Variants in SYK observed in about 807,000 individuals in gnomAD.
The protein encoded by SYK is spleen associated tyrosine kinase.
Under a neutral mutation model 77.8 loss-of-function variants are expected in SYK, and 16 were observed. The observed-to-expected ratio is 0.21, with a 90% CI of 0.14 to 0.31. SYK has a LOEUF of 0.31. SYK is among the 10% of genes least tolerant of loss of function. The pLI, the probability that SYK is intolerant of heterozygous loss-of-function variation, is 1.00. For missense variants in SYK, 529 were observed against 814.4 expected (o/e 0.65, Z 4.26); for synonymous variants, 312 against 308.7 (o/e 1.01, Z -0.11).
intron 3 of SYK, among the ~76,000 whole-genome samples, chr9:90,850,470 T>A (rs1469615971): frequency 6.6e-6 from 1 of 152,008 alleles, no homozygotes. Context: ...GAGCCAAGAT[T>A]GTGCCACTGC....
chr9:90,855,386 G>C (rs1826987849), intron 3 of SYK, among the ~76,000 whole-genome samples: 1 of 152,156 alleles, frequency 6.6e-6, no homozygotes, highest in South Asian at 2.1e-4. Flanking sequence ...TCATGTTCAA[G>C]GTGACAGGTA....
intron 1 of SYK, among the ~76,000 whole-genome samples, chr9:90,835,184 A>C (rs1317590729): frequency 6.6e-6 from 1 of 152,226 alleles, no homozygotes; most frequent in Non-Finnish European, 1.5e-5. Flanking sequence ...AATGGGTGGG[A>C]CCATCATAAG....
At chr9:90,855,689 G>A (rs113765834) in intron 3 of SYK, among the ~76,000 whole-genome samples, 1 of 138,970 alleles carries the variant, frequency 7.2e-6, no homozygotes, top group East Asian at 2.3e-4. Flanking sequence ...TGTGTGTGTG[G>A]GTGTGTGTGA....
intron 1 of SYK, among the ~76,000 whole-genome samples, chr9:90,829,253 C>G (rs1825791789): frequency 6.6e-6 from 1 of 151,092 alleles, no homozygotes; most frequent in African/African-American, 2.4e-5. Flanking sequence ...CGTGCCATTG[C>G]ACTCCAGCTG....
intron 3 of SYK, among the ~76,000 whole-genome samples, chr9:90,849,988 C>CA (rs1270413236): frequency 6.6e-6 from 1 of 152,240 alleles, no homozygotes; most frequent in Non-Finnish European, 1.5e-5. Flanking sequence ...TCAGGTCCTC[C>CA]ATGCAAACTC....
At chr9:90,886,549 CA>C (rs1156290561) in intron 11 of SYK, among the ~76,000 whole-genome samples, 1 of 152,050 alleles carries the variant, frequency 6.6e-6, no homozygotes, top group Non-Finnish European at 1.5e-5. Flanking sequence ...ACTAAAAATA[CA>C]AAAAATTGGC....
intron 1 of SYK, among the ~76,000 whole-genome samples, chr9:90,830,846 A>G (rs1325862891): frequency 7.2e-5 from 11 of 152,028 alleles, no homozygotes. Context: ...CAGCCTCCCA[A>G]AGTGCTGGGA....
At chr9:90,862,383 A>T (rs779203884) in intron 4 of SYK, 39 bp downstream of exon 4, 1 of 1,598,566 alleles carries the variant, frequency 6.3e-7, no homozygotes. Context: ...GGTAGAGTAC[A>T]GGGCACGTGG....
At chr9:90,855,342 T>C (rs290207) in intron 3 of SYK, among the ~76,000 whole-genome samples, 77,889 of 151,710 alleles carry the variant, frequency 0.51, 21,173 homozygotes, top group East Asian at 0.68. Flanking sequence ...GGAGGGGAGG[T>C]GAAGGGTGTG....
chr9:90,837,653 C>T (rs1484685304), intron 1 of SYK, among the ~76,000 whole-genome samples: 1 of 152,108 alleles, frequency 6.6e-6, no homozygotes, highest in Non-Finnish European at 1.5e-5. Flanking sequence ...AGCCTCACTC[C>T]ACCTTCAGGG....
intron 1 of SYK, among the ~76,000 whole-genome samples, chr9:90,837,211 G>T (rs1826119005): frequency 6.6e-6 from 1 of 152,022 alleles, no homozygotes; most frequent in Non-Finnish European, 1.5e-5. Context: ...ATTCACTGTG[G>T]AAATCCTAAA....
chr9:90,828,804 C>G (rs903699251), intron 1 of SYK, among the ~76,000 whole-genome samples: 1 of 152,218 alleles, frequency 6.6e-6, no homozygotes, highest in African/African-American at 2.4e-5. Flanking sequence ...GAGCCTGCAG[C>G]CTGGCCCGGT....
At chr9:90,834,169 G>T (rs919202467) in intron 1 of SYK, among the ~76,000 whole-genome samples, 1 of 148,346 alleles carries the variant, frequency 6.7e-6, no homozygotes, top group Non-Finnish European at 1.5e-5. Context: ...GGGCATGTCC[G>T]TCTGTCTCCC....
intron 1 of SYK, among the ~76,000 whole-genome samples, chr9:90,819,485 G>A (rs1033495462): frequency 3.9e-5 from 6 of 152,318 alleles, no homozygotes; most frequent in African/African-American, 1.2e-4. Context: ...ATCATGGCAG[G>A]AGGTGAAAGG....
At chr9:90,821,391 C>T (rs544350155) in intron 1 of SYK, among the ~76,000 whole-genome samples, 1 of 152,222 alleles carries the variant, frequency 6.6e-6, no homozygotes, top group Non-Finnish European at 1.5e-5. Flanking sequence ...GCTGGGAGGC[C>T]CCAGAATCAT....
intron 3 of SYK, among the ~76,000 whole-genome samples, chr9:90,850,168 C>A (rs1826763052): frequency 6.6e-6 from 1 of 152,154 alleles, no homozygotes; most frequent in Non-Finnish European, 1.5e-5. Context: ...GAGTCACTGG[C>A]CATAAAAGGA....
At chr9:90,884,107 A>AC (rs1828268442) in intron 11 of SYK, among the ~76,000 whole-genome samples, 1 of 150,652 alleles carries the variant, frequency 6.6e-6, no homozygotes, top group Non-Finnish European at 1.5e-5. Context: ...TACTGCATTC[A>AC]CCCCAAATCA....
At chr9:90,847,028 G>A (rs984114107) in intron 3 of SYK, among the ~76,000 whole-genome samples, 13 of 152,354 alleles carry the variant, frequency 8.5e-5, no homozygotes, top group African/African-American at 2.9e-4. Context: ...CTTTGGCCAC[G>A]AAGCTGTTTC....
chr9:90,851,929 A>G (rs1413494219), intron 3 of SYK, among the ~76,000 whole-genome samples: 1 of 152,212 alleles, frequency 6.6e-6, no homozygotes. Flanking sequence ...AAAATTCAAT[A>G]AATTAGAATT....
Sources: gnomAD v4.1 joint callset for allele counts (sites outside exome capture counted in the v4.1 genomes callset) on GRCh38, gnomAD v4.1.1 for gene constraint, MANE v1.5 for transcripts, NCBI Gene and HGNC (gene_info 2026-07-23, HGNC 2026-07-21) for gene names.